The following ZNF638 variants were observed in gnomAD, a reference collection of about 807,000 sequenced individuals.
ZNF638 encodes zinc finger protein 638.
In ZNF638, 46 loss-of-function variants were observed where a neutral mutation model predicts 195.6. The ratio of observed to expected loss-of-function variants is 0.24; its 90% CI spans 0.19 to 0.30. ZNF638 has a LOEUF of 0.30. ZNF638 is among the 10% of genes least tolerant of loss of function. ZNF638 has a pLI of 1.00. For missense variants in ZNF638, 2,440 were observed against 2,325.3 expected (o/e 1.05, Z -1.01); for synonymous variants, 845 against 772.0 (o/e 1.09, Z -1.57).
At chr2:71,355,668 A>G (rs1321689910) in intron 2 of ZNF638, 51 bp from the exon 3 acceptor site, 1 of 1,172,742 alleles carries the variant, frequency 8.5e-7, no homozygotes, top group African/African-American at 1.6e-5. Flanking sequence ...CTAATTCATT[A>G]GTCAACATGA....
chr2:71,416,916 T>G (rs1330375849), intron 20 of ZNF638, among the ~76,000 whole-genome samples: 1 of 151,530 alleles, frequency 6.6e-6, no homozygotes, highest in African/African-American at 2.4e-5. Context: ...CTGCAGAGGT[T>G]ACTGTGTCTT....
At chr2:71,425,042 A>G (rs148437431) in intron 23 of ZNF638, among the ~76,000 whole-genome samples, 2 of 152,274 alleles carry the variant, frequency 1.3e-5, no homozygotes, top group Non-Finnish European at 1.5e-5. Context: ...AAATTTATAT[A>G]TGTGAAAGAG....
chr2:71,409,077 A>G (rs904065276), intron 20 of ZNF638, among the ~76,000 whole-genome samples: 1 of 152,164 alleles, frequency 6.6e-6, no homozygotes, highest in Non-Finnish European at 1.5e-5. Flanking sequence ...TCAAAATTAA[A>G]CACTGACTGT....
intron 27 of ZNF638, 78 bp from the exon 28 acceptor site, chr2:71,434,664 A>G: frequency 8.5e-7 from 1 of 1,173,702 alleles, no homozygotes; most frequent in Admixed American, 2.3e-5. Context: ...TTAAATTATA[A>G]ATATACAGTA....
rs779751842 is a variant in ZNF638, at chr2:71,349,763, G to A, written c.809G>A (p.Arg270His). The A allele has an allele frequency of 1.6e-5, 26 of 1,613,966 alleles. No individual in the cohort carries two copies. Among genetic ancestry groups the A allele is most frequent in the Admixed American group, 3.3e-5 (2 of 59,986 alleles). ...NSMFPVEDVF[R>H]QMDFPGESSN... ...ATGTTTCCTGTTGAAGACGTATTTCGCCAAATGGACTTCCCCGGTGAGTCC... is the reference window on the plus strand; with the variant it reads ...ATGTTTCCTGTTGAAGACGTATTTCACCAAATGGACTTCCCCGGTGAGTCC... Residue 270 changes from arginine to histidine, a missense_variant, in exon 2 of 28, where the codon CGC (arginine) becomes CAC (histidine). Arg to His is a conservative substitution (Grantham distance 29). Transcript: ENST00000264447.
At chr2:71,395,281 G>A (rs989658882) in intron 10 of ZNF638, 11 of 717,102 alleles carry the variant, frequency 1.5e-5, no homozygotes, top group African/African-American at 1.0e-4. Context: ...TAATCGCTAC[G>A]CCTGACAAAC....
rs1196991004 is a variant in ZNF638, at chr2:71,434,799, T to G, written c.5929T>G (p.Ser1977Ala). 6.2e-7 allele frequency: 1 copy of G among 1,604,982 alleles called. No homozygotes were observed. The highest frequency in any genetic ancestry group is 1.3e-5 in the African/African-American group (1 of 74,152). ...KEQNEAEERS[S>A]R ...GCAGAATGAGGCTGAAGAAAGAAGC[T>G]CTAGGTGATTGGGGGAAAGGAAAGA... The change falls in exon 28 of 28, where the codon TCT becomes GCT. Residue 1977 changes from serine (S) to alanine (A), a missense_variant. Coordinates refer to ENST00000264447, the MANE Select transcript of ZNF638 (RefSeq NM_014497.5).
chr2:71,373,292 C>T (rs1317128200), intron 8 of ZNF638, among the ~76,000 whole-genome samples: 2 of 132,404 alleles, frequency 1.5e-5, no homozygotes, highest in African/African-American at 3.3e-5. Flanking sequence ...GTATCTTTTC[C>T]TATTTTATTA....
intron 16 of ZNF638, among the ~76,000 whole-genome samples, chr2:71,403,173 A>T (rs574595667): frequency 1.1e-3 from 168 of 152,304 alleles, no homozygotes; most frequent in African/African-American, 3.8e-3. Context: ...AAAAACTAAG[A>T]GTATTTGTTT....
intron 3 of ZNF638, among the ~76,000 whole-genome samples, chr2:71,362,679 A>G (rs2079129547): frequency 6.6e-6 from 1 of 152,166 alleles, no homozygotes; most frequent in Non-Finnish European, 1.5e-5. Context: ...AGATCTTTGT[A>G]AGGGCTACTT....
At chr2:71,409,845 G>C (rs1278580795) in intron 20 of ZNF638, among the ~76,000 whole-genome samples, 2 of 152,068 alleles carry the variant, frequency 1.3e-5, no homozygotes, top group Non-Finnish European at 2.9e-5. Flanking sequence ...GTTTTTCTGA[G>C]TCATGTCTGT....
At chr2:71,430,497 G>A (rs2080636121) in intron 25 of ZNF638, among the ~76,000 whole-genome samples, 1 of 152,178 alleles carries the variant, frequency 6.6e-6, no homozygotes, top group Non-Finnish European at 1.5e-5. Flanking sequence ...CAGATGTATG[G>A]AGGGAACACT....
chr2:71,399,686 T>C, intron 13 of ZNF638, 41 bp downstream of exon 13: 1 of 1,534,864 alleles, frequency 6.5e-7, no homozygotes. Context: ...TGTTTTCTTT[T>C]CTTTTTTTTA....
chr2:71,375,961 T>C (rs183657797), intron 8 of ZNF638: 2 of 152,202 alleles, frequency 1.3e-5, no homozygotes, highest in South Asian at 2.1e-4. Flanking sequence ...GATCATTAAA[T>C]TTTTGGAATT....
At chr2:71,419,696 AAC>A (rs1320553114) in intron 21 of ZNF638, among the ~76,000 whole-genome samples, 1 of 152,178 alleles carries the variant, frequency 6.6e-6, no homozygotes, top group Non-Finnish European at 1.5e-5. Context: ...CTTAATAAAT[AAC>A]AGTGCCTATG....
intron 6 of ZNF638, among the ~76,000 whole-genome samples, chr2:71,367,985 C>T (rs537883510): frequency 2.1e-4 from 32 of 152,080 alleles, no homozygotes; most frequent in South Asian, 8.3e-4. Context: ...ATTATTAGAA[C>T]AGAGGGGGTA....
At chr2:71,408,738 A>G (rs1040469949) in intron 20 of ZNF638, 5 of 455,278 alleles carry the variant, frequency 1.1e-5, no homozygotes, top group African/African-American at 4.1e-5. Flanking sequence ...TTCAAACTCA[A>G]TCTATTTTCT....
chr2:71,331,854 GC>G lies in ZNF638; in HGVS notation c.-223del, dbSNP rs2078574393. The G allele has an allele frequency of 1.0e-6, 1 of 986,302 alleles. No individual in the cohort carries two copies. The highest frequency in any genetic ancestry group is 1.2e-6 in the Non-Finnish European group (1 of 830,368). 61.1% of individuals were successfully genotyped at this position (986,302 alleles called of 1,614,324 possible). Reference sequence around the variant, plus strand: ...CTGTGTGGGGCGCGGATGGGATCCAGCTGTTAGTCGGGTAGGCATAGGTAGG... The same window carrying G: ...CTGTGTGGGGCGCGGATGGGATCCAGTGTTAGTCGGGTAGGCATAGGTAGG... On this transcript the variant is annotated 5_prime_UTR_variant, in exon 1 of 28. It removes the in-frame stop codon of an upstream open reading frame in the 5' UTR. Transcript: ENST00000264447.
Position 71,422,840 on chromosome 2 carries a change from A to T in ZNF638, c.3326A>T (p.Asp1109Val), listed in dbSNP as rs371774493. 2 of 1,612,824 alleles carry T rather than the reference A, an allele frequency of 1.2e-6. No individual in the cohort carries two copies. Among genetic ancestry groups the T allele is most frequent in the Non-Finnish European group, 1.7e-6 (2 of 1,179,408 alleles). The change falls in exon 22 of 28, where the codon GAT (aspartate) becomes GTT (valine). Residue 1109 changes from aspartate to valine, a missense_variant. Around this residue, in one of 5 missense-constraint regions of ZNF638, gnomAD observed 1,883 missense variants for 1,739.1 expected, o/e 1.08. Coordinates refer to ENST00000264447, the MANE Select transcript of ZNF638 (RefSeq NM_014497.5). Reference sequence around the variant, plus strand: ...CCTGGCTTGAAAAACAGTCCAATTGATGAAAGTGAGGTGCAAACAGCAACT... The same window carrying T: ...CCTGGCTTGAAAAACAGTCCAATTGTTGAAAGTGAGGTGCAAACAGCAACT... ...ESPGLKNSPI[D>V]ESEVQTATDS...
Sources: gnomAD v4.1 joint callset for allele counts (sites outside exome capture counted in the v4.1 genomes callset) on GRCh38, gnomAD v4.1.1 for gene constraint, gnomAD v4.1.1 regional missense constraint, MANE v1.5 for transcripts, NCBI Gene and HGNC (gene_info 2026-07-23, HGNC 2026-07-21) for gene names.